Variants in STARD13 observed in about 807,000 individuals in gnomAD.
The protein encoded by STARD13 is StAR related lipid transfer domain containing 13.
A neutral mutation model predicts 106.4 loss-of-function variants in STARD13; 62 were observed. That is an observed-to-expected ratio of 0.58 (90% CI 0.48 to 0.72). The LOEUF (loss-of-function observed/expected upper bound fraction) is 0.72, where lower values mean the gene tolerates loss of function less well. Among genes scored for constraint, STARD13 ranks in the 30% least tolerant of loss-of-function variants. The pLI, the probability that STARD13 is intolerant of heterozygous loss-of-function variation, is 0.00. For missense variants in STARD13, 1,387 were observed against 1,424.0 expected (o/e 0.97, Z 0.42); for synonymous variants, 565 against 553.0 (o/e 1.02, Z -0.31).
At chr13:33,178,584 T>C (rs1167167836) in intron 1 of STARD13, among the ~76,000 whole-genome samples, 1 of 152,232 alleles carries the variant, frequency 6.6e-6, no homozygotes, top group Non-Finnish European at 1.5e-5. Flanking sequence ...TAAATGATGC[T>C]ACAGGGATAT....
the STARD13 span, among the ~76,000 whole-genome samples, chr13:33,580,780 T>A: frequency 6.6e-6 from 1 of 152,118 alleles, no homozygotes; most frequent in African/African-American, 2.4e-5. Flanking sequence ...ACATTTTATC[T>A]CTATTTATAA....
intron 1 of STARD13, among the ~76,000 whole-genome samples, chr13:33,293,794 T>C (rs1892381679): frequency 6.6e-6 from 1 of 152,208 alleles, no homozygotes; most frequent in African/African-American, 2.4e-5. Context: ...CTTTCTCCTG[T>C]GCTGGATGTT....
chr13:33,271,167 G>A (rs7325190), intron 1 of STARD13, among the ~76,000 whole-genome samples: 93,200 of 152,090 alleles, frequency 0.61, 29,135 homozygotes, highest in East Asian at 0.85. Flanking sequence ...TCTGGTCTAC[G>A]GGCCTCAGCT....
chr13:33,300,786 G>T (rs145381569), intron 1 of STARD13, among the ~76,000 whole-genome samples: 10 of 152,202 alleles, frequency 6.6e-5, no homozygotes, highest in African/African-American at 2.2e-4. Context: ...CCTTTTAAAA[G>T]GGCCCGCAGG....
the STARD13 span, among the ~76,000 whole-genome samples, chr13:33,501,897 G>C: frequency 1.5e-3 from 232 of 152,194 alleles, no homozygotes; most frequent in Middle Eastern, 3.4e-3. Context: ...CTTTAAAGTA[G>C]TTGTTTCCAA....
chr13:33,156,450 C>A (rs558555605), intron 3 of STARD13, among the ~76,000 whole-genome samples: 1 of 152,256 alleles, frequency 6.6e-6, no homozygotes, highest in Admixed American at 6.5e-5. Context: ...ACTAAGATTG[C>A]AGTGGGGTTC....
chr13:33,185,373 T>C (rs1885654530), intron 1 of STARD13, among the ~76,000 whole-genome samples: 2 of 152,360 alleles, frequency 1.3e-5, no homozygotes, highest in Admixed American at 6.5e-5. Context: ...TTGAAGGCAA[T>C]TTATGCATTT....
chr13:33,579,457 A>T, the STARD13 span, among the ~76,000 whole-genome samples: 2 of 152,116 alleles, frequency 1.3e-5, no homozygotes, highest in Non-Finnish European at 1.5e-5. Flanking sequence ...ACACAAAACC[A>T]TGCAGGGTGG....
chr13:33,512,651 T>G, the STARD13 span, among the ~76,000 whole-genome samples: 1 of 152,046 alleles, frequency 6.6e-6, no homozygotes. Flanking sequence ...GAATTTTTAG[T>G]AGAGATGGGG....
chr13:33,503,907 G>GA, the STARD13 span, among the ~76,000 whole-genome samples: 1 of 151,952 alleles, frequency 6.6e-6, no homozygotes, highest in African/African-American at 2.4e-5. Context: ...AAATTTACAA[G>GA]AAAAAAATCA....
intron 1 of STARD13, among the ~76,000 whole-genome samples, chr13:33,196,424 A>C: frequency 6.6e-6 from 1 of 152,348 alleles, no homozygotes; most frequent in Middle Eastern, 3.4e-3. Context: ...AAATATTTTT[A>C]AAGAAACAAA....
chr13:33,533,960 G>A, the STARD13 span, among the ~76,000 whole-genome samples: 1 of 152,188 alleles, frequency 6.6e-6, no homozygotes, highest in Admixed American at 6.5e-5. Flanking sequence ...TCCTAGAAAT[G>A]AAGGACATAT....
At chr13:33,603,594 T>C in the STARD13 span, among the ~76,000 whole-genome samples, 25 of 152,182 alleles carry the variant, frequency 1.6e-4, no homozygotes, top group Non-Finnish European at 3.4e-4. Context: ...ATGGGCCTTA[T>C]GGATTTAGAG....
the STARD13 span, among the ~76,000 whole-genome samples, chr13:33,572,951 G>C: frequency 6.6e-6 from 1 of 152,140 alleles, no homozygotes; most frequent in South Asian, 2.1e-4. Flanking sequence ...GTTCCCCTCA[G>C]ATATCAAGGG....
chr13:33,385,447 A>G, the STARD13 span, among the ~76,000 whole-genome samples: 1 of 146,192 alleles, frequency 6.8e-6, no homozygotes, highest in Non-Finnish European at 1.5e-5. Flanking sequence ...ACTGAGTAAA[A>G]GAGTATTTGC....
At chr13:33,543,080 G>T in the STARD13 span, among the ~76,000 whole-genome samples, 1 of 152,338 alleles carries the variant, frequency 6.6e-6, no homozygotes, top group East Asian at 1.9e-4. Flanking sequence ...AAGTCCAGAA[G>T]AAACGGCGTC....
At chr13:33,674,974 T>C in the STARD13 span, among the ~76,000 whole-genome samples, 15 of 152,340 alleles carry the variant, frequency 9.8e-5, no homozygotes, top group African/African-American at 3.1e-4. Flanking sequence ...AGTAAGGCAA[T>C]GGCACACTGG....
chr13:33,290,151 C>T (rs956025953), upstream of STARD13, among the ~76,000 whole-genome samples: 5 of 152,130 alleles, frequency 3.3e-5, no homozygotes, highest in African/African-American at 1.2e-4. Context: ...TTTACAGAAG[C>T]CAGGAATGGC....
At chr13:33,217,965 C>T (rs1336545343) in intron 1 of STARD13, among the ~76,000 whole-genome samples, 1 of 149,168 alleles carries the variant, frequency 6.7e-6, no homozygotes, top group Non-Finnish European at 1.5e-5. Context: ...CATGGCAAAG[C>T]TTGGAGCAGA....
Sources: gnomAD v4.1 joint callset for allele counts (sites outside exome capture counted in the v4.1 genomes callset) on GRCh38, gnomAD v4.1.1 for gene constraint, MANE v1.5 for transcripts, NCBI Gene and HGNC (gene_info 2026-07-23, HGNC 2026-07-21) for gene names.